SANBR: variants seen among roughly 807,000 people sequenced by gnomAD.
SANBR encodes the protein SANT and BTB domain regulator of class switch recombination.
A neutral mutation model predicts 101.8 loss-of-function variants in SANBR; 77 were observed. The observed-to-expected ratio is 0.76, with a 90% CI of 0.63 to 0.91. The LOEUF (loss-of-function observed/expected upper bound fraction) is 0.91, where lower values mean the gene tolerates loss of function less well. Among genes scored for constraint, SANBR ranks in the 40% least tolerant of loss-of-function variants. SANBR has a pLI of 0.00. For synonymous variants in SANBR, 279 were observed against 274.7 expected, an observed-to-expected ratio of 1.02 and a Z score of -0.15; for missense variants, 875 against 853.0, an observed-to-expected ratio of 1.03 and a Z score of -0.32.
intron 2 of SANBR, chr2:61,069,802 C>G (rs1271434684): frequency 1.3e-5 from 2 of 152,480 alleles, no homozygotes; most frequent in East Asian, 3.8e-4. Flanking sequence ...TCTCCCCACA[C>G]CTCACAAACA....
Position 61,071,676 on chromosome 2 carries a change from T to C in SANBR, c.221T>C (p.Met74Thr), listed in dbSNP as rs567171616. Residue 74 changes from methionine to threonine, a missense_variant, in exon 4 of 22, where the codon ATG (methionine) becomes ACG (threonine). Transcript: ENST00000402291. ...SPVDNQYNSL[M>T]AAGESPVETL... ...GTTGACAACCAGTATAATTCCCTAA[T>C]GGCTGCTGGAGAGAGTCCTGTTGAA... 53 of 1,603,410 alleles carry C rather than the reference T, an allele frequency of 3.3e-5. No homozygotes were observed. The highest frequency in any genetic ancestry group is 4.3e-5 in the Non-Finnish European group (51 of 1,176,494).
intron 16 of SANBR, among the ~76,000 whole-genome samples, chr2:61,111,986 G>C (rs1683851336): frequency 1.3e-5 from 2 of 152,176 alleles, no homozygotes. Flanking sequence ...CTTGTTGGCT[G>C]TTGTGAATAA....
At chr2:61,097,915 G>A in intron 12 of SANBR, 63 bp downstream of exon 12, 1 of 1,353,964 alleles carries the variant, frequency 7.4e-7, no homozygotes, top group Non-Finnish European at 1.0e-6. Context: ...ATACATTAAT[G>A]TATAAAAGAC....
intron 5 of SANBR, among the ~76,000 whole-genome samples, chr2:61,074,022 A>G (rs944984280): frequency 6.6e-6 from 1 of 152,164 alleles, no homozygotes; most frequent in Non-Finnish European, 1.5e-5. Context: ...AATAAACTGA[A>G]TATTGTTAAG....
At chr2:61,095,743 G>C (rs1682999242) in intron 11 of SANBR, among the ~76,000 whole-genome samples, 1 of 152,110 alleles carries the variant, frequency 6.6e-6, no homozygotes, top group South Asian at 2.1e-4. Context: ...TCCTGGTGCA[G>C]TACTATAGCT....
intron 21 of SANBR, among the ~76,000 whole-genome samples, chr2:61,134,457 C>T (rs1467685751): frequency 6.6e-6 from 1 of 152,214 alleles, no homozygotes; most frequent in Non-Finnish European, 1.5e-5. Flanking sequence ...CAAATCTCCT[C>T]TTTCATGAAG....
At chr2:61,108,691 C>G (rs1190723354) in intron 15 of SANBR, among the ~76,000 whole-genome samples, 2 of 151,140 alleles carry the variant, frequency 1.3e-5, no homozygotes, top group Non-Finnish European at 1.5e-5. Context: ...ACCTGTTTGC[C>G]AGTACTATGC....
chr2:61,134,465 A>G (rs927890776), intron 21 of SANBR, among the ~76,000 whole-genome samples: 8 of 152,164 alleles, frequency 5.3e-5, no homozygotes, highest in Admixed American at 2.0e-4. Flanking sequence ...CTCTTTCATG[A>G]AGCTGCTGAC....
At chr2:61,101,948 C>T (rs988875457) in intron 12 of SANBR, among the ~76,000 whole-genome samples, 2 of 150,528 alleles carry the variant, frequency 1.3e-5, no homozygotes, top group Non-Finnish European at 3.0e-5. Flanking sequence ...AGGAGAATCG[C>T]TTGAATCCAG....
intron 16 of SANBR, 103 bp downstream of exon 16, chr2:61,109,399 G>A: frequency 1.8e-6 from 1 of 557,196 alleles, no homozygotes; most frequent in South Asian, 4.8e-5. Flanking sequence ...ATAGAGAGTA[G>A]GTTGCAACAT....
In SANBR at chr2:61,096,637, T is replaced by C. The variant is rs570266504; in HGVS notation, c.1213-1063T>C. On this transcript the variant is annotated intron_variant, in intron 11 of 21. Transcript: ENST00000402291. ...CTACATTGCCCAGGCTGGCCTCGAA[T>C]TCCTAGGTTTAAGCAGTCCTTCTGC... Among the ~76,000 whole-genome samples, 3 of 152,208 alleles carry C rather than the reference T, an allele frequency of 2.0e-5. No individual in the cohort carries two copies. In the East Asian group the frequency reaches 5.8e-4, roughly 29 times the overall value.
At chr2:61,069,393 C>T (rs1419907166) in intron 2 of SANBR, among the ~76,000 whole-genome samples, 1 of 151,748 alleles carries the variant, frequency 6.6e-6, no homozygotes, top group Non-Finnish European at 1.5e-5. Flanking sequence ...GATGACTTGC[C>T]TTGGCTAGCA....
chr2:61,094,805 G>C (rs775217423), intron 11 of SANBR, among the ~76,000 whole-genome samples: 6 of 151,836 alleles, frequency 4.0e-5, no homozygotes, highest in Non-Finnish European at 8.8e-5. Flanking sequence ...CACATCACCC[G>C]CCTAATTTTT....
At chr2:61,101,212 T>G (rs1387371002) in intron 12 of SANBR, among the ~76,000 whole-genome samples, 1 of 152,210 alleles carries the variant, frequency 6.6e-6, no homozygotes, top group Non-Finnish European at 1.5e-5. Context: ...TAGATTAGCT[T>G]TGCTAGACCC....
At chr2:61,069,638 T>A (rs189776394) in intron 2 of SANBR, 1 of 152,494 alleles carries the variant, frequency 6.6e-6, no homozygotes, top group East Asian at 1.9e-4. Flanking sequence ...TGTAAATTAA[T>A]GTTCCCACTT....
intron 20 of SANBR, among the ~76,000 whole-genome samples, chr2:61,119,888 G>A (rs1684252193): frequency 1.3e-5 from 2 of 152,148 alleles, no homozygotes; most frequent in South Asian, 4.1e-4. Context: ...CTTGAGCCTG[G>A]GAGGCAGAAG....
intron 11 of SANBR, among the ~76,000 whole-genome samples, chr2:61,096,320 C>G (rs752813471): frequency 2.6e-5 from 4 of 152,204 alleles, no homozygotes; most frequent in Non-Finnish European, 5.9e-5. Context: ...CCCTAGCCCA[C>G]AAGGCTAACA....
At chr2:61,098,398 C>T (rs950422398) in intron 12 of SANBR, among the ~76,000 whole-genome samples, 20 of 152,152 alleles carry the variant, frequency 1.3e-4, no homozygotes, top group African/African-American at 4.8e-4. Context: ...GCCACCACAC[C>T]CAGCCTTATA....
rs1482322822 is a variant in SANBR at position 61,134,154 on chromosome 2, C to T, written c.2046C>T (p.Pro682=). Residue 682 remains proline (P), a synonymous_variant, in exon 21 of 22, where the codon CCC becomes CCT. Coordinates refer to the SANBR transcript ENST00000295031. ...TTTTACAGACAGACAAACTGAGACC[C>T]AGAGACGGCACTGTGTCTAAGAGCA... 2.5e-6 allele frequency: 4 copies of T among 1,614,018 alleles called. No homozygotes were observed. The South Asian group carries it at 4.4e-5, about 18-fold the overall frequency.
Sources: gnomAD v4.1 joint callset for allele counts (sites outside exome capture counted in the v4.1 genomes callset) on GRCh38, gnomAD v4.1.1 for gene constraint, MANE v1.5 for transcripts, NCBI Gene and HGNC (gene_info 2026-07-23, HGNC 2026-07-21) for gene names.